Variants in UBR1 observed in about 807,000 individuals in gnomAD.
The protein encoded by UBR1 is E3 ubiquitin-protein ligase UBR1.
A neutral mutation model predicts 242.1 loss-of-function variants in UBR1; 102 were observed. That is an observed-to-expected ratio of 0.42 (90% CI 0.36 to 0.50). UBR1 has a LOEUF of 0.50. UBR1 is among the 20% of genes least tolerant of loss of function. UBR1 has a pLI of 0.01. For missense variants in UBR1, 1,772 were observed against 2,101.8 expected, an observed-to-expected ratio of 0.84 and a Z score of 3.07; for synonymous variants, 675 against 684.8, an observed-to-expected ratio of 0.99 and a Z score of 0.22.
At chr15:43,105,478 A>G (rs903736368) in intron 1 of UBR1, among the ~76,000 whole-genome samples, 8 of 152,158 alleles carry the variant, frequency 5.3e-5, no homozygotes, top group Non-Finnish European at 8.8e-5. Context: ...CGCAAGGACA[A>G]TTACTACACC....
intron 1 of UBR1, among the ~76,000 whole-genome samples, chr15:43,094,246 A>G (rs528673642): frequency 6.2e-4 from 94 of 152,238 alleles, no homozygotes; most frequent in African/African-American, 2.2e-3. Flanking sequence ...CCTGGCCGAC[A>G]TGATGAAACC....
intron 1 of UBR1, chr15:43,092,075 C>T (rs1245458087): frequency 9.2e-6 from 4 of 436,666 alleles, no homozygotes; most frequent in Non-Finnish European, 1.8e-5. Context: ...CACAGTGAGA[C>T]CCCATCTCAA....
intron 4 of UBR1, among the ~76,000 whole-genome samples, chr15:43,072,482 T>C (rs1185269413): frequency 6.6e-6 from 1 of 152,308 alleles, no homozygotes; most frequent in Middle Eastern, 3.4e-3. Context: ...ACAGAGCTAG[T>C]TTTACTTCTC....
In UBR1 at chr15:43,086,148, G is replaced by A. The variant is rs1313906373; in HGVS notation, c.174C>T (p.Asp58=). ...GTACACTTTCCTCCTGCTTTTCCAAGTCTGGGTCCATTTCAGCAAAGTAAA... is the reference window on the plus strand; with the variant it reads ...GTACACTTTCCTCCTGCTTTTCCAAATCTGGGTCCATTTCAGCAAAGTAAA... ...PEIYFAEMDP[D]LEKQEESVQM... is the part of the protein sequence containing the mutation. Residue 58 remains aspartate, a synonymous_variant, in exon 2 of 47, where the codon GAC becomes GAT. Coordinates refer to ENST00000290650, the MANE Select transcript of UBR1 (RefSeq NM_174916.3). 2.5e-6 allele frequency: 4 copies of A among 1,613,804 alleles called. No homozygotes were observed. In the African/African-American group the frequency reaches 5.3e-5, roughly 22 times the overall value.
intron 27 of UBR1, among the ~76,000 whole-genome samples, chr15:43,018,455 T>C (rs1426016360): frequency 1.3e-5 from 2 of 152,196 alleles, no homozygotes; most frequent in African/African-American, 4.8e-5. Flanking sequence ...AATGGCACAA[T>C]CTTGGCTCAC....
At chr15:42,945,974 T>G (rs1399508280) in intron 46 of UBR1, among the ~76,000 whole-genome samples, 1 of 152,232 alleles carries the variant, frequency 6.6e-6, no homozygotes, top group Non-Finnish European at 1.5e-5. Flanking sequence ...AAAATAATTA[T>G]ACTTCAATTC....
rs1417283661 is a variant in UBR1 at position 43,024,927 on chromosome 15, G to C, written c.2641C>G (p.Leu881Val). The C allele has an allele frequency of 6.2e-6, 10 of 1,614,058 alleles. No homozygotes were observed. The highest frequency in any genetic ancestry group is 5.0e-5 in the Admixed American group (3 of 60,004). ...FCPAFSKVIN[L>V]LNCDIMMYIL... ...TACATCATGATATCACAGTTGAGAA[G>C]GTTAATCACTTTGCTGAAAGCAGGG... The change falls in exon 25 of 47, where the codon CTT becomes GTT. Residue 881 changes from leucine to valine, a missense_variant. Leu to Val is a conservative substitution (Grantham distance 32, BLOSUM62 1). Coordinates refer to ENST00000290650, the MANE Select transcript of UBR1 (RefSeq NM_174916.3).
chr15:43,066,400 T>C (rs369966321), intron 6 of UBR1, among the ~76,000 whole-genome samples: 5 of 152,202 alleles, frequency 3.3e-5, no homozygotes, highest in Non-Finnish European at 7.3e-5. Flanking sequence ...TAGCATGGTG[T>C]CTCCAGCTTT....
intron 7 of UBR1, 55 bp downstream of exon 7, chr15:43,059,997 T>G: frequency 6.3e-7 from 1 of 1,596,546 alleles, no homozygotes; most frequent in East Asian, 2.2e-5. Flanking sequence ...ACTTGGGCTC[T>G]TGTAATGTAC....
At chr15:43,007,801 T>A (rs1279975005) in intron 29 of UBR1, among the ~76,000 whole-genome samples, 1 of 152,186 alleles carries the variant, frequency 6.6e-6, no homozygotes. Context: ...CATTAAAACT[T>A]CTTCAGAAAC....
chr15:43,087,643 C>T (rs1221928332), intron 1 of UBR1, among the ~76,000 whole-genome samples: 1 of 152,044 alleles, frequency 6.6e-6, no homozygotes, highest in African/African-American at 2.4e-5. Context: ...CTCTAAAGGG[C>T]AATTTGTAGA....
In UBR1 at chr15:42,963,965, T is replaced by C. The variant is rs1212994690; in HGVS notation, c.4670A>G (p.Tyr1557Cys). The change falls in exon 42 of 47, where the codon TAT becomes TGT. Residue 1557 changes from tyrosine to cysteine, a missense_variant. Transcript: ENST00000290650. ...GAGCAAGGGCCTTACAGTATCCCAATATTCCTGGAAGAGCAGGAACAAATT... is the reference window on the plus strand; with the variant it reads ...GAGCAAGGGCCTTACAGTATCCCAACATTCCTGGAAGAGCAGGAACAAATT... ...PTNLFLLFQE[Y>C]WDTVRPLLQR... The C allele has an allele frequency of 6.2e-7, 1 of 1,613,364 alleles. No homozygotes were observed.
intron 3 of UBR1, among the ~76,000 whole-genome samples, chr15:43,077,646 T>TA (rs1301017753): frequency 1.1e-3 from 81 of 74,890 alleles, no homozygotes; most frequent in South Asian, 1.4e-3. Context: ...AATGATCAAT[T>TA]AAAAAAAAAA....
At chr15:43,025,869 A>G (rs895876239) in intron 23 of UBR1, 1 of 166,548 alleles carries the variant, frequency 6.0e-6, no homozygotes, top group African/African-American at 2.4e-5. Flanking sequence ...AGCTGAATCT[A>G]TTTGGTACTC....
At chr15:42,947,655 G>A (rs1362125268) in intron 46 of UBR1, among the ~76,000 whole-genome samples, 3 of 152,032 alleles carry the variant, frequency 2.0e-5, no homozygotes, top group Non-Finnish European at 4.4e-5. Flanking sequence ...CAAACAGAGA[G>A]CCAAATCATG....
intron 33 of UBR1, among the ~76,000 whole-genome samples, chr15:42,992,663 G>T (rs1247564119): frequency 6.6e-6 from 1 of 152,196 alleles, no homozygotes; most frequent in Non-Finnish European, 1.5e-5. Context: ...CCCAGGACTT[G>T]TGTGGACCTC....
At chr15:43,049,072 G>A (rs1333495876) in intron 12 of UBR1, among the ~76,000 whole-genome samples, 2 of 152,156 alleles carry the variant, frequency 1.3e-5, no homozygotes, top group South Asian at 2.1e-4. Flanking sequence ...TGGGAACAAT[G>A]TTTATCATGA....
chr15:43,088,446 A>C (rs1382993573), intron 1 of UBR1, among the ~76,000 whole-genome samples: 2 of 152,204 alleles, frequency 1.3e-5, no homozygotes, highest in African/African-American at 4.8e-5. Context: ...TTTTGTAAAA[A>C]GTAAAAAATT....
intron 6 of UBR1, among the ~76,000 whole-genome samples, chr15:43,060,701 T>C (rs1034414416): frequency 3.3e-5 from 5 of 152,142 alleles, no homozygotes; most frequent in African/African-American, 9.7e-5. Flanking sequence ...AATGACCCTA[T>C]GAAGAAGGTA....
Sources: allele counts gnomAD v4.1 joint callset (sites outside exome capture counted in the v4.1 genomes callset), GRCh38; gene constraint gnomAD v4.1.1; transcripts MANE v1.5; gene names NCBI Gene and HGNC (gene_info 2026-07-23, HGNC 2026-07-21).